ZNF10: variants seen among roughly 807,000 people sequenced by gnomAD.
ZNF10 encodes the protein zinc finger protein 10 (KOX 1).
Under a neutral mutation model 12.2 loss-of-function variants are expected in ZNF10, and 8 were observed. The observed-to-expected ratio is 0.66, with a 90% CI of 0.39 to 1.18. The LOEUF is 1.18. Ranked by LOEUF, ZNF10 falls within the 50% of genes most tolerant of loss-of-function variation. The probability of loss-of-function intolerance (pLI) is 0.01; values close to 1 mark genes in which losing one functional copy is unlikely to be tolerated. For synonymous variants in ZNF10, 229 were observed against 228.2 expected (o/e 1.00, Z -0.03); for missense variants, 603 against 678.9 (o/e 0.89, Z 1.24).
rs1461350436 is a variant in ZNF10 at position 133,159,411 on chromosome 12, A to G, written c.*2443A>G. 1 of 152,272 alleles carries G rather than the reference A, an allele frequency of 6.6e-6. No individual in the cohort carries two copies. Among genetic ancestry groups the G allele is most frequent in the Non-Finnish European group, 1.5e-5 (1 of 68,052 alleles). 9.4% of individuals were successfully genotyped at this position (152,272 alleles called of 1,614,324 possible). On this transcript the variant is annotated 3_prime_UTR_variant, in exon 5 of 5. Transcript: ENST00000248211. ...AAAAGCATGATAAATAATTGTTAAT[A>G]TGGAATAAGCTCAAATATGTCAAAA...
chr12:133,151,152 T>C lies in ZNF10; in HGVS notation c.158T>C (p.Leu53Ser), dbSNP rs1274687831. The stretch of plus-strand genomic sequence containing the variant: ...GAGAACTATAAGAACCTGGTTTCCT[T>C]GGGTAAGACTAGCTCTGTTTTTGAA... Reference protein sequence around the residue: ...MLENYKNLVSLGYQLTKPDVI... With the variant: ...MLENYKNLVSSGYQLTKPDVI... The change falls in exon 3 of 5, where the codon TTG becomes TCG. Residue 53 changes from leucine (L) to serine (S), a missense_variant and splice_region_variant. Physicochemically the swap from Leu to Ser is moderately radical, Grantham distance 145 (BLOSUM62 -2). Around this residue, in one of 3 missense-constraint regions of ZNF10, gnomAD observed 393 missense variants for 399.7 expected, o/e 0.98. Coordinates refer to ENST00000248211, the MANE Select transcript of ZNF10 (RefSeq NM_015394.5). 6.2e-7 allele frequency: 1 copy of C among 1,611,668 alleles called. No homozygotes were observed. The highest frequency in any genetic ancestry group is 8.5e-7 in the Non-Finnish European group (1 of 1,178,568).
chr12:133,142,410 C>A (rs374943167), intron 1 of ZNF10, among the ~76,000 whole-genome samples: 893 of 108,238 alleles, frequency 8.3e-3, no homozygotes, highest in East Asian at 0.024. Flanking sequence ...ACTCCGTCTC[C>A]AAAAAAAAAA....
rs1182978529 is a variant in ZNF10, at chr12:133,159,408, A to T, written c.*2440A>T. The stretch of plus-strand genomic sequence containing the variant: ...TACAAAAGCATGATAAATAATTGTT[A>T]ATATGGAATAAGCTCAAATATGTCA... On this transcript the variant is annotated 3_prime_UTR_variant, in exon 5 of 5. Coordinates refer to ENST00000248211, the MANE Select transcript of ZNF10 (RefSeq NM_015394.5). The T allele has an allele frequency of 6.6e-6, 1 of 152,254 alleles. No homozygotes were observed. The highest frequency in any genetic ancestry group is 1.5e-5 in the Non-Finnish European group (1 of 68,048). The allele number at this position is 152,254 out of a possible 1,614,324, so 9.4% of individuals were successfully genotyped here.
chr12:133,146,327 G>A (rs1955975713), intron 2 of ZNF10, among the ~76,000 whole-genome samples: 1 of 152,198 alleles, frequency 6.6e-6, no homozygotes, highest in African/African-American at 2.4e-5. Flanking sequence ...AAGGCAGAGG[G>A]CAAGAGAAAC....
intron 1 of ZNF10, chr12:133,143,902 GT>G (rs1955960660): frequency 6.6e-6 from 1 of 152,288 alleles, no homozygotes; most frequent in South Asian, 2.1e-4. Context: ...GCAGAATTCA[GT>G]TCCTTGTGGC....
intron 4 of ZNF10, among the ~76,000 whole-genome samples, chr12:133,154,864 G>C (rs1176669509): frequency 6.6e-6 from 1 of 152,184 alleles, no homozygotes; most frequent in African/African-American, 2.4e-5. Context: ...ATCACCTGAA[G>C]TCAGGAGTTC....
At chr12:133,139,326 C>T (rs1284505718) in intron 1 of ZNF10, 1 of 152,212 alleles carries the variant, frequency 6.6e-6, no homozygotes, top group Admixed American at 6.5e-5. Flanking sequence ...AAAGGAAGAA[C>T]ATATCTGGCT....
intron 2 of ZNF10, among the ~76,000 whole-genome samples, chr12:133,145,131 G>A (rs1483338904): frequency 1.3e-5 from 2 of 152,000 alleles, no homozygotes; most frequent in African/African-American, 2.4e-5. Flanking sequence ...CGCCTGCCTC[G>A]GCCTCCCAAA....
chr12:133,142,188 C>T (rs1263359375), intron 1 of ZNF10, among the ~76,000 whole-genome samples: 7 of 152,020 alleles, frequency 4.6e-5, no homozygotes, highest in Non-Finnish European at 7.4e-5. Flanking sequence ...TTTGGGAGGC[C>T]GAGGCGGGCA....
chr12:133,151,031 C>T lies in ZNF10; in HGVS notation c.37C>T (p.Leu13=). Residue 13 remains leucine (L), a synonymous_variant, in exon 3 of 5, where the codon CTG becomes TTG. Transcript: ENST00000248211. ...GCAAATGTGTTTGATGTTGTAGACA[C>T]TGGTGACCTTCAAGGATGTATTTGT... ...AKSLTAWSRT[L]VTFKDVFVDF... 2 of 1,612,794 alleles carry T rather than the reference C, an allele frequency of 1.2e-6. No homozygotes were observed. The highest frequency in any genetic ancestry group is 1.1e-5 in the South Asian group (1 of 90,920).
At chr12:133,134,552 G>C (rs1011659289) in intron 1 of ZNF10, among the ~76,000 whole-genome samples, 2 of 152,180 alleles carry the variant, frequency 1.3e-5, no homozygotes, top group Non-Finnish European at 2.9e-5. Flanking sequence ...ACCTGTATCA[G>C]ACTTCTGACC....
At chr12:133,135,966 TG>T (rs1955908926) in intron 1 of ZNF10, among the ~76,000 whole-genome samples, 1 of 152,246 alleles carries the variant, frequency 6.6e-6, no homozygotes, top group Admixed American at 6.5e-5. Flanking sequence ...TGTCACTGCA[TG>T]GCCCAAACCT....
rs1467779027 is a variant in ZNF10 at position 133,144,433 on chromosome 12, G to A, written c.-59-1G>A. On this transcript the variant is annotated splice_acceptor_variant, in intron 1 of 4. Transcript: ENST00000248211. LOFTEE classifies it low-confidence loss of function (5UTR_SPLICE). ...AACTTATGTTTCTTTCTTTTTCCCAGCTTTGTCTCCTCAGCACTCTGCTGT... is the reference window on the plus strand; with the variant it reads ...AACTTATGTTTCTTTCTTTTTCCCAACTTTGTCTCCTCAGCACTCTGCTGT... 4 of 1,566,578 alleles carry A rather than the reference G, an allele frequency of 2.6e-6. No homozygotes were observed. Among genetic ancestry groups the A allele is most frequent in the Non-Finnish European group, 3.5e-6 (4 of 1,147,364 alleles).
At position 133,130,745 on chromosome 12, in the gene ZNF10, C is replaced by T. The variant is rs1008754163; in HGVS notation, c.-69C>T. 6 of 152,566 alleles carry T rather than the reference C, an allele frequency of 3.9e-5. No homozygotes were observed. In the East Asian group the frequency reaches 1.2e-3, roughly 29 times the overall value. The allele number at this position is 152,566 out of a possible 1,614,324, so 9.5% of individuals were successfully genotyped here. A position where few individuals can be genotyped will look rare whatever the true frequency, so the allele number is the denominator to read the frequency against. ...TTTCTCCCATCGAACCTTCTAGTTG[C>T]TTATTGCAGGTATATACGAAAGTGC... On this transcript the variant is annotated 5_prime_UTR_variant, in exon 1 of 5. Transcript: ENST00000248211.
rs1956042177 is a variant in ZNF10, at chr12:133,156,442, A to G, written c.1196A>G (p.His399Arg). The change falls in exon 5 of 5, where the codon CAT becomes CGT. Residue 399 changes from histidine to arginine, a missense_variant. Physicochemically the swap from His to Arg is conservative, Grantham distance 29 (BLOSUM62 0). This residue lies in a region of ZNF10 where 204 missense variants were observed against 262.8 expected (regional missense o/e 0.78). Transcript: ENST00000248211. ...STHLILHQRTHVRVRPYECNE... is the reference protein window; with the variant it reads ...STHLILHQRTRVRVRPYECNE... ...CATCTCATTCTGCATCAGAGAACCCATGTGAGAGTGAGGCCCTATGAATGC... is the reference window on the plus strand; with the variant it reads ...CATCTCATTCTGCATCAGAGAACCCGTGTGAGAGTGAGGCCCTATGAATGC... 2 of 1,613,518 alleles carry G rather than the reference A, an allele frequency of 1.2e-6. No homozygotes were observed. Among genetic ancestry groups the G allele is most frequent in the Non-Finnish European group, 1.7e-6 (2 of 1,179,776 alleles).
At chr12:133,154,812 C>T (rs948626940) in intron 4 of ZNF10, among the ~76,000 whole-genome samples, 1 of 152,218 alleles carries the variant, frequency 6.6e-6, no homozygotes, top group Non-Finnish European at 1.5e-5. Flanking sequence ...CGCACTGGCT[C>T]ACGCCTATAA....
chr12:133,142,526 G>A (rs1318813980), intron 1 of ZNF10, among the ~76,000 whole-genome samples: 1 of 151,564 alleles, frequency 6.6e-6, no homozygotes, highest in Non-Finnish European at 1.5e-5. Context: ...CAGCCCAATT[G>A]TAAACATGGG....
intron 1 of ZNF10, among the ~76,000 whole-genome samples, chr12:133,132,017 G>A (rs572282968): frequency 6.6e-6 from 1 of 152,234 alleles, no homozygotes; most frequent in South Asian, 2.1e-4. Context: ...TCAATAATTT[G>A]TAGTAAAGTG....
chr12:133,156,064 T>C lies in ZNF10; in HGVS notation c.818T>C (p.Phe273Ser), dbSNP rs141251970. The C allele has an allele frequency of 6.4e-5, 103 of 1,613,244 alleles. No individual in the cohort carries two copies. Among genetic ancestry groups the C allele is most frequent in the Non-Finnish European group, 7.9e-5 (93 of 1,179,932 alleles). ...TATGAATGTAAGGAATGTGGAAAATTCTTCAGCTGGCGCTCTAATCTTACT... is the reference window on the plus strand; with the variant it reads ...TATGAATGTAAGGAATGTGGAAAATCCTTCAGCTGGCGCTCTAATCTTACT... ...KPYECKECGK[F>S]FSWRSNLTRH... The change falls in exon 5 of 5, where the codon TTC becomes TCC. Residue 273 changes from phenylalanine (F) to serine (S), a missense_variant. Physicochemically the swap from Phe to Ser is radical, Grantham distance 155. Coordinates refer to ENST00000248211, the MANE Select transcript of ZNF10 (RefSeq NM_015394.5).
Sources: gnomAD v4.1 joint callset for allele counts (sites outside exome capture counted in the v4.1 genomes callset) on GRCh38, gnomAD v4.1.1 for gene constraint, gnomAD v4.1.1 regional missense constraint, MANE v1.5 for transcripts, NCBI Gene and HGNC (gene_info 2026-07-23, HGNC 2026-07-21) for gene names.